Variants in PAK1 observed in about 807,000 individuals in gnomAD.
PAK1 encodes the protein p21 (RAC1) activated kinase 1.
In PAK1, 29 loss-of-function variants were observed where a neutral mutation model predicts 67.4. The ratio of observed to expected loss-of-function variants is 0.43; its 90% CI spans 0.32 to 0.59. The LOEUF is 0.59. Ranked by LOEUF, PAK1 falls within the 20% of genes least tolerant of loss-of-function variation. The pLI is 0.07. For missense variants in PAK1, 337 were observed against 670.7 expected (o/e 0.50, Z 5.50); for synonymous variants, 223 against 237.4 (o/e 0.94, Z 0.56).
chr11:77,340,682 G>C lies in PAK1; in HGVS notation c.1080C>G (p.Cys360Trp). 6.2e-7 allele frequency: 1 copy of C among 1,609,602 alleles called. No individual in the cohort carries two copies. The highest frequency in any genetic ancestry group is 8.5e-7 in the Non-Finnish European group (1 of 1,175,896). ...GSLTDVVTETCMDEGQIAAVC... is the reference protein window; with the variant it reads ...GSLTDVVTETWMDEGQIAAVC... ...CAGCTGCAATTTGGCCTTCATCCAT[G>C]CAAGTTTCTGTCACCACATCTGTCA... The change falls in exon 11 of 15, where the codon TGC (cysteine) becomes TGG (tryptophan). Residue 360 changes from cysteine (C) to tryptophan (W), a missense_variant. Cys to Trp is a radical substitution (Grantham distance 215). Transcript: ENST00000356341.
the PAK1 span, among the ~76,000 whole-genome samples, chr11:77,528,373 T>C: frequency 6.6e-6 from 1 of 152,044 alleles, no homozygotes; most frequent in Non-Finnish European, 1.5e-5. Flanking sequence ...TTTTTTTTTT[T>C]TTAAGAGATG....
the PAK1 span, among the ~76,000 whole-genome samples, chr11:77,496,239 G>T: frequency 6.6e-6 from 1 of 151,772 alleles, no homozygotes. Context: ...GGATGGTCTC[G>T]ATCTCTTGAC....
chr11:77,435,931 A>G (rs1203382313), intron 1 of PAK1, among the ~76,000 whole-genome samples: 1 of 152,300 alleles, frequency 6.6e-6, no homozygotes, highest in East Asian at 1.9e-4. Flanking sequence ...AACAAACTAA[A>G]GGGAAAATGA....
chr11:77,456,262 A>T (rs1957073365), intron 1 of PAK1, among the ~76,000 whole-genome samples: 1 of 152,232 alleles, frequency 6.6e-6, no homozygotes, highest in South Asian at 2.1e-4. Flanking sequence ...CTTACAACGT[A>T]GAAGGAAACA....
chr11:77,358,759 G>A (rs876319), intron 6 of PAK1, 139 bp downstream of exon 6: 32,570 of 783,150 alleles, frequency 0.042, 2,378 homozygotes, highest in East Asian at 0.24. Context: ...CTTTAGTCAA[G>A]GTAGTTCAGT....
Position 77,332,751 on chromosome 11 carries a change from A to ACCTCTC in PAK1, c.1524_1529dup (p.Arg509_Gly510dup). 2 of 1,613,728 alleles carry ACCTCTC rather than the reference A, an allele frequency of 1.2e-6. No individual in the cohort carries two copies. The highest frequency in any genetic ancestry group is 1.7e-6 in the Non-Finnish European group (2 of 1,179,780). On this transcript the variant is annotated inframe_insertion, in exon 14 of 15. Coordinates refer to ENST00000356341, the MANE Select transcript of PAK1 (RefSeq NM_002576.5). ...TTACCTGTAGCAGCTCTTTAGCTGA[A>ACCTCTC]CCTCTCTTCTCCACATCCATCTCGA...
the PAK1 span, among the ~76,000 whole-genome samples, chr11:77,484,608 T>C: frequency 3.3e-5 from 5 of 152,348 alleles, no homozygotes; most frequent in Admixed American, 2.6e-4. Context: ...CCTGCTGCTT[T>C]GCCTATTGCT....
chr11:77,526,824 G>A, the PAK1 span, among the ~76,000 whole-genome samples: 1 of 151,896 alleles, frequency 6.6e-6, no homozygotes, highest in Non-Finnish European at 1.5e-5. Flanking sequence ...GCTGAGGCAG[G>A]AGAATTGCTT....
chr11:77,494,849 C>T, the PAK1 span, among the ~76,000 whole-genome samples: 1 of 151,982 alleles, frequency 6.6e-6, no homozygotes, highest in Non-Finnish European at 1.5e-5. Flanking sequence ...GTGAGACCCC[C>T]ATCTATATAC....
chr11:77,442,159 T>C (rs1432889780), intron 1 of PAK1, among the ~76,000 whole-genome samples: 1 of 152,178 alleles, frequency 6.6e-6, no homozygotes, highest in Non-Finnish European at 1.5e-5. Context: ...ATGATATGTA[T>C]AGCCTGGTCT....
the PAK1 span, among the ~76,000 whole-genome samples, chr11:77,481,538 G>T: frequency 1.3e-5 from 2 of 151,948 alleles, no homozygotes; most frequent in African/African-American, 2.4e-5. Context: ...AGCCAGGTGT[G>T]GTAGCATGTG....
In PAK1 at chr11:77,324,691, A is replaced by G. The variant is rs1481326175; in HGVS notation, c.1552-1331T>C. Among the ~76,000 whole-genome samples, 8 of 152,110 alleles carry G rather than the reference A, an allele frequency of 5.3e-5. No individual in the cohort carries two copies. The East Asian group carries it at 7.7e-4, about 15-fold the overall frequency. ...ACATAACTACTCAACTCACATGAGC[A>G]TATCTGATTCTTCTGCCATACTTAC... On this transcript the variant is annotated intron_variant, in intron 14 of 14. Coordinates refer to ENST00000356341, the MANE Select transcript of PAK1 (RefSeq NM_002576.5).
chr11:77,527,697 A>G, the PAK1 span, among the ~76,000 whole-genome samples: 1 of 152,300 alleles, frequency 6.6e-6, no homozygotes, highest in East Asian at 1.9e-4. Context: ...ACATTACTAC[A>G]TTGCCACTGA....
intron 1 of PAK1, among the ~76,000 whole-genome samples, chr11:77,406,775 G>A (rs1408256503): frequency 1.4e-5 from 2 of 143,082 alleles, no homozygotes; most frequent in African/African-American, 2.4e-5. Context: ...ACAGAGATAC[G>A]ATTTCAAAGG....
chr11:77,414,402 T>C (rs1000093062), intron 1 of PAK1, among the ~76,000 whole-genome samples: 16 of 152,238 alleles, frequency 1.1e-4, no homozygotes, highest in African/African-American at 3.4e-4. Flanking sequence ...GTAAATATAC[T>C]AGAGTCCCAG....
rs529125254 is a variant in PAK1, at chr11:77,451,607, G to GT, written c.-22+21944dup. On this transcript the variant is annotated intron_variant, in intron 1 of 14. Transcript: ENST00000356341. ...TCGTTAATGTCTTTTGTTTTTTTTT[G>GT]TTTTTTTTTTGAGACGGCGTCTTGC... Among the ~76,000 whole-genome samples, 742 of 133,528 alleles carry GT rather than the reference G, an allele frequency of 5.6e-3. 36 individuals are homozygous for GT. The highest frequency in any genetic ancestry group is 0.016 in the African/African-American group (506 of 32,614). The allele number at this position is 133,528 out of a possible 152,430, so 87.6% of individuals were successfully genotyped here.
chr11:77,326,198 G>A (rs1205988477), intron 14 of PAK1, among the ~76,000 whole-genome samples: 3 of 152,188 alleles, frequency 2.0e-5, no homozygotes, highest in Non-Finnish European at 4.4e-5. Context: ...GCCTGCTAAA[G>A]GCAATTTTTG....
intron 1 of PAK1, among the ~76,000 whole-genome samples, chr11:77,455,127 C>T (rs1260536250): frequency 4.6e-5 from 7 of 152,106 alleles, no homozygotes; most frequent in African/African-American, 1.7e-4. Context: ...AAAACGTCAA[C>T]ATGATTTAAG....
At chr11:77,393,309 G>C (rs1951400535) in intron 1 of PAK1, among the ~76,000 whole-genome samples, 1 of 151,194 alleles carries the variant, frequency 6.6e-6, no homozygotes, top group South Asian at 2.1e-4. Flanking sequence ...GAGAGAGAGA[G>C]AGAGATGGGA....
Sources: gnomAD v4.1 joint callset for allele counts (sites outside exome capture counted in the v4.1 genomes callset) on GRCh38, gnomAD v4.1.1 for gene constraint, MANE v1.5 for transcripts, NCBI Gene and HGNC (gene_info 2026-07-23, HGNC 2026-07-21) for gene names.